Variants in CCDC144A observed in about 807,000 individuals in gnomAD.
CCDC144A encodes coiled-coil domain containing 144A.
In CCDC144A, 41 loss-of-function variants were observed where a neutral mutation model predicts 143.8. The observed-to-expected ratio is 0.29, with a 90% CI of 0.22 to 0.37. CCDC144A has a LOEUF of 0.37. CCDC144A is among the 10% of genes least tolerant of loss of function. The pLI, the probability that CCDC144A is intolerant of heterozygous loss-of-function variation, is 1.00. For synonymous variants in CCDC144A, 242 were observed against 517.9 expected (o/e 0.47, Z 7.23); for missense variants, 637 against 1,488.8 (o/e 0.43, Z 9.41).
At chr17:16,670,317 T>G in the CCDC144A span, among the ~76,000 whole-genome samples, 4 of 145,892 alleles carry the variant, frequency 2.7e-5, no homozygotes, top group African/African-American at 1.0e-4. Context: ...TGACAGAGTC[T>G]GGCTCTGTCA....
intron 12 of CCDC144A, chr17:16,737,439 TACAGGCGTGAGCCACC>T (rs1338745571): frequency 7.4e-6 from 9 of 1,220,934 alleles, no homozygotes; most frequent in Admixed American, 5.3e-5. Flanking sequence ...GTGCTGGGAT[TACAGGCGTGAGCCACC>T]GCGCCCGGCC....
chr17:16,682,883 G>GGTTTTTTTTTTTTTT, the CCDC144A span, among the ~76,000 whole-genome samples: 1 of 46,432 alleles, frequency 2.2e-5, no homozygotes, highest in Non-Finnish European at 5.1e-5. Flanking sequence ...TGGATTCTCT[G>GGTTTTTTTTTTTTTT]TTTTTTTTTT....
chr17:16,751,508 G>C lies in CCDC144A; in HGVS notation c.3373-9917G>C, dbSNP rs145302286. 2.6e-3 allele frequency among the ~76,000 whole-genome samples: 402 copies of C among 152,294 alleles called. 3 individuals are homozygous for C. The highest frequency in any genetic ancestry group is 9.4e-3 in the African/African-American group (391 of 41,568). On this transcript the variant is annotated intron_variant, in intron 12 of 16. Transcript: ENST00000399273. ...GGGGGAAAAGTAGGATTGTGAAGGC[G>C]AGAGATAACCCCCTCACCAAATCAG...
chr17:16,714,366 C>T (rs1334359823), intron 6 of CCDC144A, among the ~76,000 whole-genome samples: 1 of 152,216 alleles, frequency 6.6e-6, no homozygotes, highest in Non-Finnish European at 1.5e-5. Flanking sequence ...TTGGGTATCA[C>T]AAAACCAGGT....
chr17:16,715,032 AGT>A (rs1480314995), intron 6 of CCDC144A, among the ~76,000 whole-genome samples: 1 of 152,028 alleles, frequency 6.6e-6, no homozygotes. Flanking sequence ...CCCCTTTCTC[AGT>A]AAGGACTTTT....
chr17:16,685,172 A>G (rs183509684), upstream of CCDC144A, among the ~76,000 whole-genome samples: 443 of 152,130 alleles, frequency 2.9e-3, 3 homozygotes, highest in African/African-American at 0.01. Context: ...GATTGCGGGC[A>G]TATGCCACCA....
the CCDC144A span, among the ~76,000 whole-genome samples, chr17:16,673,452 C>G: frequency 1.3e-5 from 2 of 150,916 alleles, no homozygotes; most frequent in African/African-American, 4.9e-5. Context: ...AGTGGCGCCA[C>G]AGTGGCTCAC....
At chr17:16,759,870 A>T (rs1239710672) in intron 12 of CCDC144A, among the ~76,000 whole-genome samples, 2 of 152,236 alleles carry the variant, frequency 1.3e-5, no homozygotes, top group Non-Finnish European at 2.9e-5. Context: ...TTTTGTTCAC[A>T]ATCTGCAGTT....
rs757847110 is a variant in CCDC144A at position 16,709,243 on chromosome 17, T to G, written c.1186T>G (p.Leu396Val). The change falls in exon 5 of 17, where the codon TTA becomes GTA. Residue 396 changes from leucine to valine, a missense_variant. Transcript: ENST00000399273. ...TTGCCAGTCATCTTCTAAGTTTCATTTACATGAAAATAAATTAGACTGCGA... is the reference window on the plus strand; with the variant it reads ...TTGCCAGTCATCTTCTAAGTTTCATGTACATGAAAATAAATTAGACTGCGA... ...HVCQSSSKFHLHENKLDCDND... is the reference protein window; with the variant it reads ...HVCQSSSKFHVHENKLDCDND... The G allele has an allele frequency of 4.0e-5, 65 of 1,611,506 alleles. No homozygotes were observed. The African/African-American group carries it at 7.9e-4, about 20-fold the overall frequency.
At chr17:16,720,355 AG>A (rs1913020674) in intron 7 of CCDC144A, 124 bp downstream of exon 7, 1 of 1,277,696 alleles carries the variant, frequency 7.8e-7, no homozygotes, top group Non-Finnish European at 1.1e-6. Flanking sequence ...ATGAAGAAAC[AG>A]TAACCGTTGA....
chr17:16,709,176 C>A lies in CCDC144A; in HGVS notation c.1119C>A (p.Ile373=). 2 of 1,611,702 alleles carry A rather than the reference C, an allele frequency of 1.2e-6. No homozygotes were observed. Among genetic ancestry groups the A allele is most frequent in the Non-Finnish European group, 1.7e-6 (2 of 1,179,656 alleles). The change falls in exon 5 of 17, where the codon ATC becomes ATA. Residue 373 remains isoleucine, a synonymous_variant. Transcript: ENST00000399273. ...EQKEPSLKNI[I]HPYYHPYSGS... is the part of the protein sequence containing the mutation. ...AAGAACCCAGTCTCAAAAATATCATCCATCCATACTATCATCCATACTCTG... is the reference window on the plus strand; with the variant it reads ...AAGAACCCAGTCTCAAAAATATCATACATCCATACTATCATCCATACTCTG...
rs1289284278 is a variant in CCDC144A, at chr17:16,776,931, C to A, written c.*3298C>A. ...TAGAATGGCAGAATGGGTAAGAATTCACCAACCAAGTTGCTGCTGTCTTCA... is the reference window on the plus strand; with the variant it reads ...TAGAATGGCAGAATGGGTAAGAATTAACCAACCAAGTTGCTGCTGTCTTCA... On this transcript the variant is annotated 3_prime_UTR_variant, in exon 17 of 17. Coordinates refer to ENST00000399273, the MANE Select transcript of CCDC144A (RefSeq NM_001382000.1). 1 of 146,798 alleles carries A rather than the reference C, an allele frequency of 6.8e-6. No homozygotes were observed. Among genetic ancestry groups the A allele is most frequent in the African/African-American group, 2.5e-5 (1 of 39,516 alleles). 9.1% of individuals were successfully genotyped at this position (146,798 alleles called of 1,614,324 possible). A position where few individuals can be genotyped will look rare whatever the true frequency, so the allele number is the denominator to read the frequency against.
intron 9 of CCDC144A, among the ~76,000 whole-genome samples, chr17:16,730,649 A>G (rs1263517889): frequency 1.8e-5 from 2 of 108,696 alleles, no homozygotes; most frequent in East Asian, 5.9e-4. Context: ...TGTTTGTGTC[A>G]TCTATGATTT....
chr17:16,681,173 T>G, the CCDC144A span, among the ~76,000 whole-genome samples: 5 of 152,152 alleles, frequency 3.3e-5, no homozygotes, highest in East Asian at 9.6e-4. Context: ...TTTTAAAAGC[T>G]AGGCTTGTCT....
intron 2 of CCDC144A, among the ~76,000 whole-genome samples, chr17:16,699,243 A>G (rs1009717171): frequency 3.3e-5 from 5 of 149,674 alleles, no homozygotes; most frequent in Non-Finnish European, 7.4e-5. Flanking sequence ...TGATTTAACT[A>G]GAATATGTGG....
rs1916017662 is a variant in CCDC144A at position 16,776,860 on chromosome 17, T to C, written c.*3227T>C. ...AATAGAATAGTACCTCACATCTCAA[T>C]GCTAATGTTGAACGTAAATGGCCTA... On this transcript the variant is annotated 3_prime_UTR_variant, in exon 17 of 17. Coordinates refer to ENST00000399273, the MANE Select transcript of CCDC144A (RefSeq NM_001382000.1). 1 of 152,028 alleles carries C rather than the reference T, an allele frequency of 6.6e-6. No individual in the cohort carries two copies. 9.4% of individuals were successfully genotyped at this position (152,028 alleles called of 1,614,324 possible).
At position 16,753,210 on chromosome 17, in the gene CCDC144A, T is replaced by C. The variant is rs1348785777; in HGVS notation, c.3373-8215T>C. Among the ~76,000 whole-genome samples, 4 of 147,926 alleles carry C rather than the reference T, an allele frequency of 2.7e-5. No homozygotes were observed. In the East Asian group the frequency reaches 8.4e-4, roughly 31 times the overall value. On this transcript the variant is annotated intron_variant, in intron 12 of 16. Coordinates refer to ENST00000399273, the MANE Select transcript of CCDC144A (RefSeq NM_001382000.1). ...TCCAAGTGTGATAATTTACTTGATA[T>C]TTTGGTTTCTCTCTCGCAGAGAGGC...
chr17:16,679,701 G>A, the CCDC144A span, among the ~76,000 whole-genome samples: 1 of 151,808 alleles, frequency 6.6e-6, no homozygotes, highest in East Asian at 1.9e-4. Context: ...AAGTTATCAT[G>A]GTTTTTAAAA....
At chr17:16,761,167 T>C (rs1915342474) in intron 12 of CCDC144A, among the ~76,000 whole-genome samples, 2 of 151,836 alleles carry the variant, frequency 1.3e-5, no homozygotes, top group South Asian at 4.2e-4. Flanking sequence ...CTACTAAAAA[T>C]AAAAAATAAA....
Sources: allele counts gnomAD v4.1 joint callset (sites outside exome capture counted in the v4.1 genomes callset), GRCh38; gene constraint gnomAD v4.1.1; transcripts MANE v1.5; gene names NCBI Gene and HGNC (gene_info 2026-07-23, HGNC 2026-07-21).